Variants in FGF12 observed in about 807,000 individuals in gnomAD.
FGF12 encodes the protein fibroblast growth factor 12.
Under a neutral mutation model 23.6 loss-of-function variants are expected in FGF12, and 14 were observed. That is an observed-to-expected ratio of 0.59 (90% CI 0.39 to 0.93). FGF12 has a LOEUF of 0.93. Ranked by LOEUF, FGF12 falls within the 40% of genes least tolerant of loss-of-function variation. The pLI, the probability that FGF12 is intolerant of heterozygous loss-of-function variation, is 0.00. For synonymous variants in FGF12, 62 were observed against 77.3 expected (o/e 0.80, Z 1.04); for missense variants, 175 against 217.8 (o/e 0.80, Z 1.24).
chr3:192,362,632 C>T (rs912733216), intron 2 of FGF12, among the ~76,000 whole-genome samples: 27 of 152,274 alleles, frequency 1.8e-4, no homozygotes, highest in African/African-American at 5.5e-4. Flanking sequence ...CATCTAACAT[C>T]TGAGTTTCAA....
chr3:192,158,355 TTTC>T (rs1205822514), intron 5 of FGF12, among the ~76,000 whole-genome samples: 1 of 112,522 alleles, frequency 8.9e-6, no homozygotes, highest in Non-Finnish European at 1.8e-5. Context: ...TCTTTCTTTC[TTTC>T]TTTCTTTCTT....
At chr3:192,508,156 C>T (rs1035632900) in intron 2 of FGF12, among the ~76,000 whole-genome samples, 1 of 152,272 alleles carries the variant, frequency 6.6e-6, no homozygotes, top group East Asian at 1.9e-4. Flanking sequence ...GCAATGCTAT[C>T]GTTTCTATAA....
rs115135761 is a variant in FGF12, at chr3:192,556,841, C to T, written c.13+170340G>A. Among the ~76,000 whole-genome samples the T allele has an allele frequency of 3.9e-3, 595 of 152,052 alleles. 5 individuals are homozygous for T. Among genetic ancestry groups the T allele is most frequent in the African/African-American group, 0.013 (525 of 41,492 alleles). On this transcript the variant is annotated intron_variant, in intron 2 of 5. Coordinates refer to ENST00000445105, the MANE Select transcript of FGF12 (RefSeq NM_004113.6). ...GAGCTCCTGGAAGATTAAAATTATA[C>T]GAAGTATCTTTTCCAATCACAATGG...
chr3:192,561,742 A>G (rs1217287077), intron 2 of FGF12, among the ~76,000 whole-genome samples: 2 of 152,170 alleles, frequency 1.3e-5, no homozygotes, highest in African/African-American at 4.8e-5. Context: ...CGATTAGAAA[A>G]TAATACTTCT....
Position 192,652,862 on chromosome 3 carries a change from T to C in FGF12, c.13+74319A>G, listed in dbSNP as rs141729718. Among the ~76,000 whole-genome samples the C allele has an allele frequency of 2.1e-3, 322 of 152,330 alleles. 1 individual carries two copies. Among genetic ancestry groups the C allele is most frequent in the Non-Finnish European group, 4.0e-3 (269 of 68,016 alleles). On this transcript the variant is annotated intron_variant, in intron 2 of 5. Transcript: ENST00000445105. ...TCTACAGGCTAACTTTGTATGCTCA[T>C]GTAAGAGAAGCTTGCAAGATGGACT...
At chr3:192,609,965 G>T (rs1301668606) in intron 2 of FGF12, among the ~76,000 whole-genome samples, 2 of 152,018 alleles carry the variant, frequency 1.3e-5, no homozygotes, top group Admixed American at 6.6e-5. Context: ...GCATGGCTGT[G>T]CCTGCTGTTT....
chr3:192,674,987 T>C (rs1413149770), intron 2 of FGF12, among the ~76,000 whole-genome samples: 1 of 152,230 alleles, frequency 6.6e-6, no homozygotes, highest in African/African-American at 2.4e-5. Flanking sequence ...TTTACCATCA[T>C]CTATCTACCT....
intron 2 of FGF12, among the ~76,000 whole-genome samples, chr3:192,546,844 G>A (rs564271544): frequency 6.6e-6 from 1 of 152,292 alleles, no homozygotes; most frequent in Admixed American, 6.5e-5. Context: ...GAGCCCAATA[G>A]TTTGAGACCA....
At chr3:192,630,852 C>G (rs1715364842) in intron 2 of FGF12, among the ~76,000 whole-genome samples, 1 of 152,044 alleles carries the variant, frequency 6.6e-6, no homozygotes, top group South Asian at 2.1e-4. Context: ...GCCACCGCGC[C>G]CGGCCCACTT....
chr3:192,678,771 C>A (rs1005925416), intron 2 of FGF12, among the ~76,000 whole-genome samples: 1 of 152,138 alleles, frequency 6.6e-6, no homozygotes, highest in African/African-American at 2.4e-5. Context: ...GAATCCAGGG[C>A]CTTCCTGAGA....
intron 2 of FGF12, among the ~76,000 whole-genome samples, chr3:192,440,296 G>A (rs377138289): frequency 1.6e-4 from 25 of 152,094 alleles, no homozygotes; most frequent in Middle Eastern, 3.2e-3. Flanking sequence ...TTTTGAAAAC[G>A]TCACTCTGAC....
chr3:192,504,893 G>A (rs1724249616), intron 2 of FGF12, among the ~76,000 whole-genome samples: 1 of 152,046 alleles, frequency 6.6e-6, no homozygotes, highest in Admixed American at 6.6e-5. Flanking sequence ...AACTAAGAAG[G>A]TGGATAGCCA....
intron 4 of FGF12, among the ~76,000 whole-genome samples, chr3:192,332,576 G>A (rs1051382797): frequency 1.4e-4 from 21 of 151,996 alleles, no homozygotes; most frequent in African/African-American, 4.6e-4. Flanking sequence ...CACTCACTCC[G>A]TCTTTGACAC....
chr3:192,518,258 T>C (rs57819304), intron 2 of FGF12, among the ~76,000 whole-genome samples: 3 of 152,148 alleles, frequency 2.0e-5, no homozygotes, highest in African/African-American at 7.2e-5. Context: ...GACTCACCAG[T>C]GTGGCTTCAA....
At chr3:192,264,792 A>G (rs1433674898) in intron 4 of FGF12, among the ~76,000 whole-genome samples, 2 of 152,118 alleles carry the variant, frequency 1.3e-5, no homozygotes, top group Non-Finnish European at 2.9e-5. Context: ...CAAGAGTGGA[A>G]TTCCAGAAGT....
chr3:192,444,083 A>G (rs902913102), intron 2 of FGF12, among the ~76,000 whole-genome samples: 3 of 152,184 alleles, frequency 2.0e-5, no homozygotes, highest in Non-Finnish European at 4.4e-5. Context: ...AGACATTTGC[A>G]TGGACTTTAA....
intron 2 of FGF12, among the ~76,000 whole-genome samples, chr3:192,678,531 C>T (rs1282274506): frequency 6.6e-6 from 1 of 152,164 alleles, no homozygotes; most frequent in East Asian, 1.9e-4. Flanking sequence ...GAAACAATTT[C>T]TCCCTCCACT....
At chr3:192,180,714 C>T (rs1265318890) in intron 4 of FGF12, among the ~76,000 whole-genome samples, 1 of 152,126 alleles carries the variant, frequency 6.6e-6, no homozygotes, top group African/African-American at 2.4e-5. Context: ...TATCAACTCC[C>T]ATGAAGTCAA....
At chr3:192,183,726 T>C (rs1442944671) in intron 4 of FGF12, among the ~76,000 whole-genome samples, 1 of 152,170 alleles carries the variant, frequency 6.6e-6, no homozygotes, top group Non-Finnish European at 1.5e-5. Flanking sequence ...TGCAAATATG[T>C]AGTTTGACTC....
Sources: allele counts gnomAD v4.1 joint callset (sites outside exome capture counted in the v4.1 genomes callset), GRCh38; gene constraint gnomAD v4.1.1; transcripts MANE v1.5; gene names NCBI Gene and HGNC (gene_info 2026-07-23, HGNC 2026-07-21).